CYSLTR1: variants seen among roughly 807,000 people sequenced by gnomAD.
CYSLTR1 encodes G-protein coupled receptor HG55.
In CYSLTR1, 1 loss-of-function variant was observed where a neutral mutation model predicts 2.1. That is an observed-to-expected ratio of 0.48 (90% confidence interval 0.17 to 2.28). The LOEUF (loss-of-function observed/expected upper bound fraction) is 2.28, where lower values mean the gene tolerates loss of function less well. CYSLTR1 is among the 30% of genes most tolerant of loss of function. The pLI, the probability that CYSLTR1 is intolerant of heterozygous loss-of-function variation, is 0.26. For missense variants in CYSLTR1, 299 were observed against 250.1 expected, an observed-to-expected ratio of 1.20 and a Z score of -1.32; for synonymous variants, 110 against 89.6, an observed-to-expected ratio of 1.23 and a Z score of -1.28.
At chrX:78,314,832 G>T (rs756319546) in intron 1 of CYSLTR1, among the ~76,000 whole-genome samples, 30 of 109,458 alleles carry the variant, frequency 2.7e-4, no homozygotes, top group African/African-American at 9.6e-4. Context: ...ATCTTGAAAG[G>T]CAGCCTAGGC....
At chrX:78,322,497 G>A (rs938309529) in intron 1 of CYSLTR1, among the ~76,000 whole-genome samples, 1 of 111,800 alleles carries the variant, frequency 8.9e-6, no homozygotes, top group African/African-American at 3.3e-5. Context: ...TTGAGTGATT[G>A]TTTATTGATT....
At chrX:78,292,162 C>T (rs941327174) in intron 1 of CYSLTR1, among the ~76,000 whole-genome samples, 2 of 111,912 alleles carry the variant, frequency 1.8e-5, no homozygotes, top group Admixed American at 9.5e-5. Context: ...GATTCTGGTA[C>T]GTTGTGTCTT....
intron 1 of CYSLTR1, among the ~76,000 whole-genome samples, chrX:78,287,970 A>G (rs1203631001): frequency 9.0e-6 from 1 of 111,545 alleles, no homozygotes; most frequent in Non-Finnish European, 1.9e-5. Context: ...GCTGTTTTTA[A>G]GGGACATGAA....
chrX:78,313,869 C>G (rs1426648255), intron 1 of CYSLTR1, among the ~76,000 whole-genome samples: 1 of 111,917 alleles, frequency 8.9e-6, no homozygotes, highest in Non-Finnish European at 1.9e-5. Context: ...GAGAGGAGAA[C>G]TGTCTAAGAG....
At chrX:78,298,034 T>A (rs901643519) in intron 1 of CYSLTR1, among the ~76,000 whole-genome samples, 1 of 111,407 alleles carries the variant, frequency 9.0e-6, no homozygotes, top group Non-Finnish European at 1.9e-5. Context: ...CCTCTTAGTA[T>A]CACTTTCGCT....
rs1037509346 is a variant in CYSLTR1, at chrX:78,272,552, G to C, written c.*181C>G. On this transcript the variant is annotated 3_prime_UTR_variant, in exon 3 of 3. Coordinates refer to ENST00000373304, the MANE Select transcript of CYSLTR1 (RefSeq NM_006639.4). ...TTCATAGTTGTGGACCGAATTTTTA[G>C]CACTTAAAATATCTATAAATATCTA... 27 of 374,216 alleles carry C rather than the reference G, an allele frequency of 7.2e-5. No individual in the cohort carries two copies. The highest frequency in any genetic ancestry group is 4.8e-4 in the African/African-American group (18 of 37,578). The allele number at this position is 374,216 out of a possible 1,213,427, so 30.8% of individuals were successfully genotyped here.
intron 1 of CYSLTR1, chrX:78,320,163 T>C (rs1923584181): frequency 1.8e-5 from 2 of 112,348 alleles, no homozygotes; most frequent in South Asian, 3.6e-4. Context: ...CTTTTGGTGT[T>C]TTAGACATGA....
chrX:78,275,620 C>G (rs1427411924), intron 2 of CYSLTR1, among the ~76,000 whole-genome samples: 1 of 109,231 alleles, frequency 9.2e-6, no homozygotes, highest in Non-Finnish European at 1.9e-5. Flanking sequence ...TTAGGAGATA[C>G]ACCTAAGGTA....
At chrX:78,279,734 G>T (rs184248043) in intron 2 of CYSLTR1, among the ~76,000 whole-genome samples, 177 of 112,060 alleles carry the variant, frequency 1.6e-3, no homozygotes, top group African/African-American at 5.5e-3. Context: ...AGAAAACATG[G>T]TATGTATACA....
chrX:78,311,114 C>T (rs1465601578), intron 1 of CYSLTR1, among the ~76,000 whole-genome samples: 3 of 110,523 alleles, frequency 2.7e-5, no homozygotes, highest in African/African-American at 9.9e-5. Flanking sequence ...AGAGGTTGCC[C>T]ATCCCTGAGA....
chrX:78,281,527 C>A (rs1921844028), intron 2 of CYSLTR1, among the ~76,000 whole-genome samples: 1 of 111,170 alleles, frequency 9.0e-6, no homozygotes, highest in South Asian at 3.8e-4. Context: ...CCTGCCTTGG[C>A]CTCCCAAAGT....
chrX:78,288,975 T>TA (rs397734677), intron 1 of CYSLTR1, among the ~76,000 whole-genome samples: 4 of 110,195 alleles, frequency 3.6e-5, no homozygotes, highest in Non-Finnish European at 7.6e-5. Context: ...TTTTTTTTTT[T>TA]AATTATACTT....
At position 78,304,100 on chromosome X, in the gene CYSLTR1, G is replaced by A. The variant is rs137898580; in HGVS notation, c.-114-20560C>T. On this transcript the variant is annotated intron_variant, in intron 1 of 2. Transcript: ENST00000373304. The stretch of plus-strand genomic sequence containing the variant: ...CAATTCTTCTTTGAGTGTATTAGCT[G>A]TGCTCAGAATACAGGCTTGGTCAGG... 3.9e-3 allele frequency among the ~76,000 whole-genome samples: 438 copies of A among 111,935 alleles called. 1 individual carries two copies. Among genetic ancestry groups the A allele is most frequent in the African/African-American group, 0.014 (422 of 30,820 alleles).
rs1921708865 is a variant in CYSLTR1 at position 78,278,713 on chromosome X, C to G, written c.-28+4741G>C. Among the ~76,000 whole-genome samples, 3 of 112,217 alleles carry G rather than the reference C, an allele frequency of 2.7e-5. No individual in the cohort carries two copies. In the South Asian group the frequency reaches 1.1e-3, roughly 41 times the overall value. On this transcript the variant is annotated intron_variant, in intron 2 of 2. Transcript: ENST00000373304. ...CATCACACTACTTTAAACTACAGTA[C>G]AAAGCTAGAGTAACCAAACAGCATA...
intron 1 of CYSLTR1, among the ~76,000 whole-genome samples, chrX:78,322,742 G>A (rs997725140): frequency 1.8e-5 from 2 of 111,975 alleles, no homozygotes; most frequent in African/African-American, 6.5e-5. Flanking sequence ...ACATTTCCAA[G>A]GATATGTATT....
At chrX:78,283,260 T>A (rs990908183) in intron 2 of CYSLTR1, among the ~76,000 whole-genome samples, 194 bp downstream of exon 2, 1 of 112,090 alleles carries the variant, frequency 8.9e-6, no homozygotes, top group Admixed American at 9.5e-5. Flanking sequence ...ATAGGAATGA[T>A]AGCCTAGAAG....
chrX:78,306,879 G>C (rs1401075585), intron 1 of CYSLTR1, among the ~76,000 whole-genome samples: 1 of 112,128 alleles, frequency 8.9e-6, no homozygotes, highest in African/African-American at 3.2e-5. Context: ...TGTTCCAAAA[G>C]ACCAAAGAGA....
At chrX:78,285,636 T>C (rs1332854340) in intron 1 of CYSLTR1, among the ~76,000 whole-genome samples, 1 of 111,930 alleles carries the variant, frequency 8.9e-6, no homozygotes, top group Non-Finnish European at 1.9e-5. Context: ...TAGTTATCCA[T>C]TTCCATGGTG....
chrX:78,292,430 A>G (rs921197986), intron 1 of CYSLTR1, among the ~76,000 whole-genome samples: 3 of 112,209 alleles, frequency 2.7e-5, no homozygotes, highest in Non-Finnish European at 5.6e-5. Flanking sequence ...TGGTGCTGAG[A>G]AGAATGTGTA....
Sources: allele counts gnomAD v4.1 joint callset (sites outside exome capture counted in the v4.1 genomes callset), GRCh38; gene constraint gnomAD v4.1.1; transcripts MANE v1.5; gene names NCBI Gene and HGNC (gene_info 2026-07-23, HGNC 2026-07-21).